The following OTOP3 variants were observed in gnomAD, a reference collection of about 807,000 sequenced individuals.
The protein encoded by OTOP3 is otopetrin 3, also known as proton channel OTOP3.
OTOP3 carries 41 observed loss-of-function variants against 50.8 expected under a neutral mutation model. That is an observed-to-expected ratio of 0.81 (90% CI 0.63 to 1.05). The LOEUF (loss-of-function observed/expected upper bound fraction) is 1.05, where lower values mean the gene tolerates loss of function less well. Ranked by LOEUF, OTOP3 falls within the 50% of genes least tolerant of loss-of-function variation. The pLI is 0.00. For synonymous variants in OTOP3, 320 were observed against 324.4 expected (o/e 0.99, Z 0.14); for missense variants, 788 against 760.8 (o/e 1.04, Z -0.42).
In OTOP3 at chr17:74,946,585, A is replaced by C; in HGVS notation, c.752-76A>C. The C allele has an allele frequency of 4.7e-6, 6 of 1,277,500 alleles. No homozygotes were observed. In the South Asian group the frequency reaches 8.3e-5, roughly 18 times the overall value. The allele number at this position is 1,277,500 out of a possible 1,614,324, so 79.1% of individuals were successfully genotyped here. ...GCTCTAGTGTATTCCAGGGAATGGG[A>C]GGTATCTGTGTAGCCAGTTTCCTCA... On this transcript the variant is annotated intron_variant, in intron 5 of 6. Coordinates refer to ENST00000328801, the MANE Select transcript of OTOP3 (RefSeq NM_001272005.2).
At chr17:74,939,191 A>T (rs2039147565) in intron 1 of OTOP3, among the ~76,000 whole-genome samples, 1 of 152,006 alleles carries the variant, frequency 6.6e-6, no homozygotes, top group South Asian at 2.1e-4. Flanking sequence ...AGACAAATAA[A>T]AATCTAAGAG....
At chr17:74,942,188 C>G in intron 3 of OTOP3, 151 bp downstream of exon 3, 1 of 959,412 alleles carries the variant, frequency 1.0e-6, no homozygotes, top group South Asian at 1.8e-5. Flanking sequence ...ACCCCTCACA[C>G]AAGTGTCCAC....
chr17:74,947,478 A>G lies in OTOP3; in HGVS notation c.1566+3A>G. 1 of 1,590,604 alleles carries G rather than the reference A, an allele frequency of 6.3e-7. No homozygotes were observed. Among genetic ancestry groups the G allele is most frequent in the Non-Finnish European group, 8.6e-7 (1 of 1,167,066 alleles). The stretch of plus-strand genomic sequence containing the variant: ...TCCTCATCCTCTGCAATATCACAGT[A>G]AGTGGCTGGGCTAAGGGGCCTGGAG... On this transcript the variant is annotated splice_donor_region_variant and intron_variant, in intron 6 of 6. Coordinates refer to ENST00000328801, the MANE Select transcript of OTOP3 (RefSeq NM_001272005.2).
intron 5 of OTOP3, 79 bp from the exon 6 acceptor site, chr17:74,946,582 G>T: frequency 8.1e-7 from 1 of 1,241,194 alleles, no homozygotes; most frequent in Non-Finnish European, 1.1e-6. Context: ...TCCAGGGAAT[G>T]GGAGGTATCT....
chr17:74,936,368 G>A (rs1446910262), intron 1 of OTOP3, among the ~76,000 whole-genome samples: 2 of 152,178 alleles, frequency 1.3e-5, no homozygotes, highest in Non-Finnish European at 2.9e-5. Flanking sequence ...CCTCGGAGCC[G>A]GCCCTGCGCT....
At position 74,949,498 on chromosome 17, in the gene OTOP3, T is replaced by C; in HGVS notation, c.*82T>C. On this transcript the variant is annotated 3_prime_UTR_variant, in exon 7 of 7. Transcript: ENST00000328801. ...GAGTCTCTGAGCAGATGCCTCATTC[T>C]GAGGTGCCGAGACCAGCCTGAGGCT... 1 of 1,504,120 alleles carries C rather than the reference T, an allele frequency of 6.6e-7. No individual in the cohort carries two copies. Among genetic ancestry groups the C allele is most frequent in the Non-Finnish European group, 9.0e-7 (1 of 1,113,064 alleles). The allele number at this position is 1,504,120 out of a possible 1,614,324, so 93.2% of individuals were successfully genotyped here.
chr17:74,949,715 A>C lies in OTOP3; in HGVS notation c.*299A>C. 2.8e-6 allele frequency: 1 copy of C among 357,560 alleles called. No individual in the cohort carries two copies. The highest frequency in any genetic ancestry group is 5.1e-6 in the Non-Finnish European group (1 of 195,820). The allele number at this position is 357,560 out of a possible 1,614,324, so 22.1% of individuals were successfully genotyped here. A position where few individuals can be genotyped will look rare whatever the true frequency, so the allele number is the denominator to read the frequency against. Reference sequence around the variant, plus strand: ...CCAGGAGGCTGGCAGGGGCCCCCTCACGGCTACTCTGTGGGAGGGTCAGAC... The same window carrying C: ...CCAGGAGGCTGGCAGGGGCCCCCTCCCGGCTACTCTGTGGGAGGGTCAGAC... On this transcript the variant is annotated 3_prime_UTR_variant, in exon 7 of 7. Transcript: ENST00000328801.
At chr17:74,937,641 A>G (rs1434769077) in intron 1 of OTOP3, among the ~76,000 whole-genome samples, 1 of 152,098 alleles carries the variant, frequency 6.6e-6, no homozygotes, top group Non-Finnish European at 1.5e-5. Context: ...GTTTAATGGG[A>G]AGGGTCTCTG....
intron 5 of OTOP3, 35 bp downstream of exon 5, chr17:74,943,759 A>G: frequency 1.0e-6 from 1 of 981,726 alleles, no homozygotes; most frequent in Non-Finnish European, 1.6e-6. Context: ...CTTGCCCTGA[A>G]ACACACACAC....
At chr17:74,946,544 G>C (rs543395134) in intron 5 of OTOP3, 117 bp from the exon 6 acceptor site, 6 of 828,708 alleles carry the variant, frequency 7.2e-6, no homozygotes, top group Middle Eastern at 3.3e-4. Flanking sequence ...TAAAATGAGC[G>C]GCTGGGTCGC....
intron 1 of OTOP3, among the ~76,000 whole-genome samples, chr17:74,936,989 G>T (rs2039124995): frequency 8.6e-6 from 1 of 116,516 alleles, no homozygotes; most frequent in Admixed American, 1.2e-4. Flanking sequence ...TTGAGACAGG[G>T]TCTAACTCTG....
intron 1 of OTOP3, among the ~76,000 whole-genome samples, chr17:74,937,224 C>T (rs1298880877): frequency 1.3e-5 from 2 of 152,194 alleles, no homozygotes; most frequent in Admixed American, 6.5e-5. Flanking sequence ...CTCAGCCTCC[C>T]AAAGTGCTGG....
intron 1 of OTOP3, among the ~76,000 whole-genome samples, chr17:74,939,558 A>G (rs778491295): frequency 6.6e-6 from 1 of 152,150 alleles, no homozygotes; most frequent in Non-Finnish European, 1.5e-5. Flanking sequence ...TGGGGAGAGC[A>G]TGCTGGACTC....
chr17:74,942,248 G>A (rs939869563), intron 3 of OTOP3, among the ~76,000 whole-genome samples: 12 of 152,154 alleles, frequency 7.9e-5, no homozygotes, highest in Non-Finnish European at 1.5e-4. Flanking sequence ...CCGTGTCACC[G>A]AATGTAGACA....
At chr17:74,940,132 C>CACACACAT (rs1457396683) in intron 1 of OTOP3, among the ~76,000 whole-genome samples, 37 of 118,238 alleles carry the variant, frequency 3.1e-4, no homozygotes, top group African/African-American at 1.2e-3. Context: ...CACACACACA[C>CACACACAT]ATACATATAT....
intron 5 of OTOP3, among the ~76,000 whole-genome samples, chr17:74,944,149 A>G (rs1382277447): frequency 4.6e-5 from 7 of 152,216 alleles, no homozygotes; most frequent in African/African-American, 1.7e-4. Context: ...ATATCTGGAC[A>G]GAAAAAAACT....
Position 74,947,278 on chromosome 17 carries a change from C to A in OTOP3, c.1369C>A (p.Arg457Ser). Reference sequence around the variant, plus strand: ...CTTCATCATCGAGGGCCTGCACCGGCGCCCACTCTGGGAGACAGTTCCCGA... The same window carrying A: ...CTTCATCATCGAGGGCCTGCACCGGAGCCCACTCTGGGAGACAGTTCCCGA... ...NLFIIEGLHR[R>S]PLWETVPEGL... The change falls in exon 6 of 7, where the codon CGC becomes AGC. Residue 457 changes from arginine (R) to serine (S), a missense_variant. Coordinates refer to ENST00000328801, the MANE Select transcript of OTOP3 (RefSeq NM_001272005.2). 2 of 1,613,518 alleles carry A rather than the reference C, an allele frequency of 1.2e-6. No individual in the cohort carries two copies. Among genetic ancestry groups the A allele is most frequent in the Non-Finnish European group, 1.7e-6 (2 of 1,179,826 alleles).
rs143865170 is a variant in OTOP3, at chr17:74,941,626, G to A, written c.253G>A (p.Gly85Ser). The change falls in exon 2 of 7, where the codon GGC (glycine) becomes AGC (serine). Residue 85 changes from glycine (G) to serine (S), a missense_variant. By Grantham distance (56) the Gly-to-Ser change is moderately conservative. Coordinates refer to ENST00000328801, the MANE Select transcript of OTOP3 (RefSeq NM_001272005.2). Reference protein sequence around the residue: ...LLALNVVFLGGAFICSMIFNK... With the variant: ...LLALNVVFLGSAFICSMIFNK... ...GGCCCTGAATGTGGTGTTCCTGGGT[G>A]GCGCCTTCATCTGCAGCATGATCTT... 1.1e-5 allele frequency: 17 copies of A among 1,613,988 alleles called. No individual in the cohort carries two copies. Among genetic ancestry groups the A allele is most frequent in the Non-Finnish European group, 1.4e-5 (17 of 1,179,906 alleles).
chr17:74,936,449 T>A (rs563407225), intron 1 of OTOP3, among the ~76,000 whole-genome samples: 41 of 152,026 alleles, frequency 2.7e-4, no homozygotes, highest in African/African-American at 8.9e-4. Flanking sequence ...CACAAACCAG[T>A]CCAGTGTCCC....
Sources: gnomAD v4.1 joint callset for allele counts (sites outside exome capture counted in the v4.1 genomes callset) on GRCh38, gnomAD v4.1.1 for gene constraint, MANE v1.5 for transcripts, NCBI Gene and HGNC (gene_info 2026-07-23, HGNC 2026-07-21) for gene names.